The following CCDC136 variants were observed in gnomAD, a reference collection of about 807,000 sequenced individuals.
CCDC136 encodes coiled-coil domain containing 136.
In CCDC136, 100 loss-of-function variants were observed where a neutral mutation model predicts 141.2. That is an observed-to-expected ratio of 0.71 (90% CI 0.60 to 0.84). The LOEUF (loss-of-function observed/expected upper bound fraction) is 0.84. Ranked by LOEUF, CCDC136 falls within the 40% of genes least tolerant of loss-of-function variation. The pLI is 0.00. For synonymous variants in CCDC136, 474 were observed against 531.9 expected, an observed-to-expected ratio of 0.89 and a Z score of 1.50; for missense variants, 1,206 against 1,379.4, an observed-to-expected ratio of 0.87 and a Z score of 1.99.
At chr7:128,797,389 G>A (rs552730573) in intron 3 of CCDC136, among the ~76,000 whole-genome samples, 25 of 152,320 alleles carry the variant, frequency 1.6e-4, no homozygotes, top group East Asian at 1.9e-4. Context: ...CAGTCACATG[G>A]AGAGACACCA....
At position 128,815,756 on chromosome 7, in the gene CCDC136, T is replaced by C. The variant is rs1806514125; in HGVS notation, c.3188T>C (p.Val1063Ala). 3.2e-6 allele frequency: 5 copies of C among 1,567,398 alleles called. No individual in the cohort carries two copies. Among genetic ancestry groups the C allele is most frequent in the Middle Eastern group, 3.3e-4 (2 of 6,014 alleles). The change falls in exon 16 of 18, where the codon GTT becomes GCT. Residue 1063 changes from valine (V) to alanine (A), a missense_variant. Physicochemically the swap from Val to Ala is moderately conservative, Grantham distance 64 (BLOSUM62 0). Transcript: ENST00000297788. ...AAGGAGCAGTGTGGGGATGAGCTAGTTGCTGAGCCAGCAGATCCTGAGGAA... is the reference window on the plus strand; with the variant it reads ...AAGGAGCAGTGTGGGGATGAGCTAGCTGCTGAGCCAGCAGATCCTGAGGAA... ...EAKEQCGDELVAEPADPEEAK... is the reference protein window; with the variant it reads ...EAKEQCGDELAAEPADPEEAK...
At chr7:128,814,575 G>C (rs141084495) in intron 14 of CCDC136, 63 bp from the exon 15 acceptor site, 20 of 1,395,362 alleles carry the variant, frequency 1.4e-5, no homozygotes, top group Non-Finnish European at 1.5e-5. Context: ...GTTTGGTTGC[G>C]TGGTCAGCCA....
In CCDC136 at chr7:128,794,663, G is replaced by C; in HGVS notation, c.272-31G>C. 6.5e-7 allele frequency: 1 copy of C among 1,545,214 alleles called. No individual in the cohort carries two copies. Among genetic ancestry groups the C allele is most frequent in the Non-Finnish European group, 8.7e-7 (1 of 1,143,376 alleles). On this transcript the variant is annotated intron_variant, in intron 2 of 17. Transcript: ENST00000297788. This position sits in a 1 kb window ranked among gnomAD's most constrained non-coding sequence, Gnocchi z 4.3. ...AGAGGCTCTGCACTCCCCTGGATCC[G>C]AGCTTGACACTGGTGCCCCTCTCCC...
rs749000859 is a variant in CCDC136, at chr7:128,814,806, GC to G, written c.2935del (p.Arg979GlyfsTer9). On this transcript the variant is annotated frameshift_variant, in exon 15 of 18. Coordinates refer to ENST00000297788, the MANE Select transcript of CCDC136 (RefSeq NM_022742.5). LOFTEE classifies it high-confidence loss of function. ...REKRPSVVKEARGKNANKNMN... is the reference protein window; with the variant it reads ...REKRPSVVKEXRGKNANKNMN... ...GAAGAGGCCTTCTGTTGTCAAAGAA[GC>G]CCGGGGGAAGAATGCTAATAAGAAC... 7 of 1,612,114 alleles carry G rather than the reference GC, an allele frequency of 4.3e-6. No homozygotes were observed. In the Admixed American group the frequency reaches 1.0e-4, roughly 23 times the overall value.
At chr7:128,809,994 T>G (rs1805464707) in intron 11 of CCDC136, 145 bp from the exon 12 acceptor site, 1 of 611,614 alleles carries the variant, frequency 1.6e-6, no homozygotes, top group African/African-American at 1.9e-5. Context: ...ATAGAAGGGC[T>G]CCCCCGTCCC....
chr7:128,808,190 T>C (rs1406880113), intron 10 of CCDC136, among the ~76,000 whole-genome samples: 1 of 152,184 alleles, frequency 6.6e-6, no homozygotes, highest in East Asian at 1.9e-4. Flanking sequence ...GCACATGCCA[T>C]TGTGCCTGGC....
In CCDC136 at chr7:128,805,831, G is replaced by A. The variant is rs756674345; in HGVS notation, c.1019G>A (p.Arg340Gln). The change falls in exon 7 of 18, where the codon CGG becomes CAG. Residue 340 changes from arginine (R) to glutamine (Q), a missense_variant. Transcript: ENST00000297788. This position sits in a 1 kb window ranked among gnomAD's most constrained non-coding sequence, Gnocchi z 4.6. Reference sequence around the variant, plus strand: ...CAGGTCAGTGAGGAGGAGCAGAGGCGGCTGCAGAGGGAGCTCAAGTGTGCT... The same window carrying A: ...CAGGTCAGTGAGGAGGAGCAGAGGCAGCTGCAGAGGGAGCTCAAGTGTGCT... Reference protein sequence around the residue: ...HRQVSEEEQRRLQRELKCAQN... With the variant: ...HRQVSEEEQRQLQRELKCAQN... 7.5e-5 allele frequency: 121 copies of A among 1,613,814 alleles called. No individual in the cohort carries two copies. The highest frequency in any genetic ancestry group is 9.2e-5 in the Non-Finnish European group (108 of 1,179,872).
At chr7:128,812,419 C>G (rs1044104932) in intron 13 of CCDC136, 107 bp downstream of exon 13, 3 of 1,234,084 alleles carry the variant, frequency 2.4e-6, no homozygotes, top group Non-Finnish European at 3.3e-6. Flanking sequence ...GGGGTCAGAA[C>G]TGACCTGGGG....
chr7:128,802,303 A>T lies in CCDC136; in HGVS notation c.670+794A>T, dbSNP rs574026634. On this transcript the variant is annotated intron_variant, in intron 4 of 17. Coordinates refer to ENST00000297788, the MANE Select transcript of CCDC136 (RefSeq NM_022742.5). ...AGGCTAGATTTATAATCTGAGTATAATGGAGGTCCTATATTTGGCCAGGTC... is the reference window on the plus strand; with the variant it reads ...AGGCTAGATTTATAATCTGAGTATATTGGAGGTCCTATATTTGGCCAGGTC... 2.6e-4 allele frequency among the ~76,000 whole-genome samples: 39 copies of T among 152,284 alleles called. 1 individual carries two copies. In the South Asian group the frequency reaches 7.1e-3, roughly 28 times the overall value.
chr7:128,818,222 C>T (rs1238269499), intron 17 of CCDC136: 3 of 211,416 alleles, frequency 1.4e-5, no homozygotes, highest in African/African-American at 7.1e-5. Context: ...CTGACCACTT[C>T]TGATGAGCTG....
chr7:128,821,754 G>A lies in CCDC136; in HGVS notation c.*6-45G>A, dbSNP rs1043376316. The stretch of plus-strand genomic sequence containing the variant: ...GCAGGTGACTTCTGGCTTAGGGCAG[G>A]GTTCAGGAGGCTGGGCACTCACAGT... On this transcript the variant is annotated intron_variant, in intron 17 of 17. Coordinates refer to ENST00000297788, the MANE Select transcript of CCDC136 (RefSeq NM_022742.5). This position sits in a 1 kb window ranked among gnomAD's most constrained non-coding sequence, Gnocchi z 5.1. 5.4e-6 allele frequency: 7 copies of A among 1,288,204 alleles called. No homozygotes were observed. In the South Asian group the frequency reaches 6.2e-5, roughly 11 times the overall value. The allele number at this position is 1,288,204 out of a possible 1,614,324, so 79.8% of individuals were successfully genotyped here. A position where few individuals can be genotyped will look rare whatever the true frequency, so the allele number is the denominator to read the frequency against.
intron 3 of CCDC136, among the ~76,000 whole-genome samples, chr7:128,799,890 T>C (rs1004185151): frequency 2.0e-5 from 3 of 152,208 alleles, no homozygotes; most frequent in African/African-American, 7.2e-5. Context: ...GGTACATGTG[T>C]CTAGAAACTC....
chr7:128,800,621 C>T (rs961656674), intron 3 of CCDC136, among the ~76,000 whole-genome samples: 7 of 152,128 alleles, frequency 4.6e-5, no homozygotes, highest in African/African-American at 1.7e-4. Context: ...AATCCCTTAT[C>T]GACTGACACT....
rs1349243597 is a variant in CCDC136, at chr7:128,794,468, A to G, written c.137A>G (p.Asn46Ser). 4 of 1,552,338 alleles carry G rather than the reference A, an allele frequency of 2.6e-6. No homozygotes were observed. The highest frequency in any genetic ancestry group is 3.5e-6 in the Non-Finnish European group (4 of 1,147,220). Residue 46 changes from asparagine to serine, a missense_variant, in exon 2 of 18, where the codon AAC (asparagine) becomes AGC (serine). Physicochemically the swap from Asn to Ser is conservative, Grantham distance 46. Coordinates refer to ENST00000297788, the MANE Select transcript of CCDC136 (RefSeq NM_022742.5). This position sits in a 1 kb window ranked among gnomAD's most constrained non-coding sequence, Gnocchi z 4.3. ...KGGSVGSLSV[N>S]KHRGLSLTET... ...GGCAGTGTTGGCTCTCTGTCAGTCA[A>G]CAAGCACCGGGGACTGAGCCTCACG...
intron 14 of CCDC136, among the ~76,000 whole-genome samples, chr7:128,813,606 C>CT (rs1331245208): frequency 6.6e-6 from 1 of 152,196 alleles, no homozygotes; most frequent in East Asian, 1.9e-4. Flanking sequence ...GCCCAGTACA[C>CT]ACTTCAGGAG....
chr7:128,798,935 C>T (rs1803539537), intron 3 of CCDC136, among the ~76,000 whole-genome samples: 1 of 148,802 alleles, frequency 6.7e-6, no homozygotes, highest in South Asian at 2.1e-4. Flanking sequence ...CTCAGGGGAG[C>T]AGGGTAGATC....
intron 3 of CCDC136, among the ~76,000 whole-genome samples, chr7:128,800,615 C>T (rs948740665): frequency 6.6e-6 from 1 of 152,140 alleles, no homozygotes; most frequent in Non-Finnish European, 1.5e-5. Context: ...TTAAACAATC[C>T]CTTATCGACT....
chr7:128,818,577 C>A (rs1423750919), intron 17 of CCDC136, among the ~76,000 whole-genome samples: 1 of 152,152 alleles, frequency 6.6e-6, no homozygotes, highest in Admixed American at 6.5e-5. Context: ...GGCCAGATTC[C>A]ATGGTAATTG....
Position 128,794,400 on chromosome 7 carries a change from G to A in CCDC136, c.69G>A (p.Glu23=). The part of the protein sequence containing the change: ...LYEEEEEEEE[E]EEEVEEEEEQ... ...AGGAGGAAGAGGAAGAGGAAGAGGA[G>A]GAAGAAGAGGTGGAAGAAGAAGAAG... The change falls in exon 2 of 18, where the codon GAG becomes GAA. Residue 23 remains glutamate (E), a synonymous_variant. Transcript: ENST00000297788. The surrounding 1 kb of genome is among the most constrained non-coding windows in gnomAD (Gnocchi z 4.3). 1.3e-6 allele frequency: 2 copies of A among 1,554,744 alleles called. No homozygotes were observed. The highest frequency in any genetic ancestry group is 2.7e-5 in the African/African-American group (2 of 73,148).
Sources: allele counts gnomAD v4.1 joint callset (sites outside exome capture counted in the v4.1 genomes callset), GRCh38; gene constraint gnomAD v4.1.1; non-coding constraint Gnocchi (gnomAD v3.1); transcripts MANE v1.5; gene names NCBI Gene and HGNC (gene_info 2026-07-23, HGNC 2026-07-21).